Variants in HSPA14 observed in about 807,000 individuals in gnomAD.
HSPA14 encodes heat shock 70 kDa protein 14.
HSPA14 carries 37 observed loss-of-function variants against 65.5 expected under a neutral mutation model. The observed-to-expected ratio is 0.56, with a 90% confidence interval of 0.43 to 0.74. HSPA14 has a LOEUF of 0.74. HSPA14 is among the 30% of genes least tolerant of loss of function. HSPA14 has a pLI of 0.00. For synonymous variants in HSPA14, 203 were observed against 214.2 expected (o/e 0.95, Z 0.46); for missense variants, 564 against 607.6 (o/e 0.93, Z 0.75).
chr10:14,839,878 CTATG>C, intron 1 of HSPA14, 23 bp from the exon 2 acceptor site: 1 of 1,571,864 alleles, frequency 6.4e-7, no homozygotes, highest in South Asian at 1.1e-5. Flanking sequence ...TCTAATGAGA[CTATG>C]TATTTCGTGT....
At chr10:14,864,165 G>A (rs1213900530) in intron 10 of HSPA14, among the ~76,000 whole-genome samples, 1 of 150,536 alleles carries the variant, frequency 6.6e-6, no homozygotes, top group Admixed American at 6.6e-5. Flanking sequence ...GGAATTTGAG[G>A]CTGCAGTGAG....
chr10:14,862,512 C>T (rs373993136), intron 10 of HSPA14, among the ~76,000 whole-genome samples: 2,265 of 146,922 alleles, frequency 0.015, 64 homozygotes, highest in African/African-American at 0.053. Flanking sequence ...GTAGCTGGGA[C>T]GACAGGCGCC....
intron 1 of HSPA14, chr10:14,838,667 G>T (rs895585935): frequency 1.9e-6 from 1 of 527,782 alleles, no homozygotes; most frequent in Non-Finnish European, 3.3e-6. Context: ...CCGCGGCGGA[G>T]GCTCGCGGCG....
At chr10:14,844,197 C>A in intron 3 of HSPA14, 1 of 1,171,292 alleles carries the variant, frequency 8.5e-7, no homozygotes, top group Non-Finnish European at 1.1e-6. Context: ...GTTTCCTCAT[C>A]CGTAAAATGG....
chr10:14,864,435 A>T (rs1273588779), intron 10 of HSPA14, among the ~76,000 whole-genome samples: 1 of 151,740 alleles, frequency 6.6e-6, no homozygotes, highest in African/African-American at 2.4e-5. Context: ...CCACCCATTA[A>T]CTCATCATTT....
intron 2 of HSPA14, 26 bp from the exon 3 acceptor site, chr10:14,840,049 T>C: frequency 4.2e-6 from 5 of 1,198,542 alleles, no homozygotes; most frequent in Non-Finnish European, 5.6e-6. Context: ...GTAATATATA[T>C]ATATATATAT....
chr10:14,860,444 A>C (rs1832742552), intron 10 of HSPA14, among the ~76,000 whole-genome samples: 1 of 152,212 alleles, frequency 6.6e-6, no homozygotes, highest in African/African-American at 2.4e-5. Context: ...AAGAAAATTA[A>C]GCAGGATAAG....
At chr10:14,867,613 T>C in intron 11 of HSPA14, 123 bp from the exon 12 acceptor site, 1 of 813,394 alleles carries the variant, frequency 1.2e-6, no homozygotes, top group Non-Finnish European at 2.0e-6. Flanking sequence ...TATTTCTATT[T>C]TCTTCTCTTT....
At chr10:14,868,561 T>A (rs902601402) in intron 12 of HSPA14, among the ~76,000 whole-genome samples, 2 of 152,080 alleles carry the variant, frequency 1.3e-5, no homozygotes, top group Non-Finnish European at 2.9e-5. Flanking sequence ...ACAATGCCAT[T>A]TGTATCTAAA....
At chr10:14,838,486 G>T (rs201717626) in intron 1 of HSPA14, 27 bp downstream of exon 1, 2 of 1,575,778 alleles carry the variant, frequency 1.3e-6, no homozygotes, top group Admixed American at 3.6e-5. Context: ...CTGGGCTAGG[G>T]CTTCATGACG....
At chr10:14,850,158 G>A (rs1220293402) in intron 6 of HSPA14, among the ~76,000 whole-genome samples, 2 of 151,880 alleles carry the variant, frequency 1.3e-5, no homozygotes, top group African/African-American at 2.4e-5. Context: ...TATAATCTCA[G>A]CTATTCGGGA....
rs1043937819 is a variant in HSPA14 at position 14,855,841 on chromosome 10, A to G, written c.891A>G (p.Arg297=). 3.9e-6 allele frequency: 6 copies of G among 1,558,186 alleles called. No homozygotes were observed. Among genetic ancestry groups the G allele is most frequent in the Non-Finnish European group, 4.4e-6 (5 of 1,129,760 alleles). Residue 297 remains arginine (R), a splice_region_variant and synonymous_variant, in exon 10 of 14, where the codon AGA becomes AGG. Coordinates refer to ENST00000378372, the MANE Select transcript of HSPA14 (RefSeq NM_016299.4). The part of the protein sequence containing the change: ...EGQDFDCNVS[R]ARFELLCSPL... ...TCTGTGTGTGTGTATGTGTGTACAG[A>G]GCAAGATTTGAACTTCTTTGTTCTC...
Position 14,839,919 on chromosome 10 carries a change from T to C in HSPA14, c.72T>C (p.Gly24=). ...TTTTTCTCTAGGATGGCCGGGCTGG[T>C]GTGGTTGCAAATGATGCCGGTGACC... ...CVAVYKDGRA[G]VVANDAGDRV... is the part of the protein sequence containing the mutation. The change falls in exon 2 of 14, where the codon GGT becomes GGC. Residue 24 remains glycine (G), a synonymous_variant. Coordinates refer to ENST00000378372, the MANE Select transcript of HSPA14 (RefSeq NM_016299.4). The C allele has an allele frequency of 6.2e-7, 1 of 1,612,828 alleles. No homozygotes were observed. The highest frequency in any genetic ancestry group is 8.5e-7 in the Non-Finnish European group (1 of 1,179,294).
chr10:14,856,353 C>T (rs1832692586), intron 10 of HSPA14, among the ~76,000 whole-genome samples: 1 of 152,128 alleles, frequency 6.6e-6, no homozygotes, highest in African/African-American at 2.4e-5. Flanking sequence ...CACCAAGGTA[C>T]AGAGATTAAG....
chr10:14,840,612 A>G (rs1426336845), intron 3 of HSPA14, among the ~76,000 whole-genome samples: 3 of 152,200 alleles, frequency 2.0e-5, no homozygotes, highest in East Asian at 1.9e-4. Context: ...TTGACTTACA[A>G]ATTTAATCAT....
At chr10:14,863,721 ACT>A (rs1166341735) in intron 10 of HSPA14, among the ~76,000 whole-genome samples, 2 of 151,340 alleles carry the variant, frequency 1.3e-5, no homozygotes, top group East Asian at 3.9e-4. Flanking sequence ...TGCCTCTCTC[ACT>A]CTTACCCTCT....
intron 3 of HSPA14, chr10:14,846,754 A>G: frequency 1.0e-6 from 1 of 985,454 alleles, no homozygotes; most frequent in Non-Finnish European, 1.2e-6. Context: ...AGTAGGGGAA[A>G]GACTCTGGAG....
chr10:14,850,269 CAAA>C (rs200743230), intron 6 of HSPA14, among the ~76,000 whole-genome samples: 6 of 105,080 alleles, frequency 5.7e-5, no homozygotes, highest in South Asian at 3.0e-4. Flanking sequence ...GACTTCGTCT[CAAA>C]AAAAAAAAAA....
intron 10 of HSPA14, 134 bp from the exon 11 acceptor site, chr10:14,866,949 A>AAC (rs1218683211): frequency 6.1e-5 from 36 of 587,348 alleles, no homozygotes; most frequent in Admixed American, 1.1e-4. Context: ...AGTATAACAT[A>AAC]ACATGTTAAT....
Sources: allele counts gnomAD v4.1 joint callset (sites outside exome capture counted in the v4.1 genomes callset), GRCh38; gene constraint gnomAD v4.1.1; transcripts MANE v1.5; gene names NCBI Gene and HGNC (gene_info 2026-07-23, HGNC 2026-07-21).